Variants in PRKN observed in about 807,000 individuals in gnomAD.
PRKN encodes the protein E3 ubiquitin-protein ligase parkin.
In PRKN, 56 loss-of-function variants were observed where a neutral mutation model predicts 59.5. The observed-to-expected ratio is 0.94, with a 90% CI of 0.76 to 1.18. PRKN has a LOEUF of 1.18. PRKN is among the 50% of genes most tolerant of loss of function. The pLI is 0.00. For synonymous variants in PRKN, 250 were observed against 222.1 expected, an observed-to-expected ratio of 1.13 and a Z score of -1.12; for missense variants, 657 against 596.4, an observed-to-expected ratio of 1.10 and a Z score of -1.06.
chr6:161,365,148 CAAAAG>C (rs1265882010), intron 10 of PRKN, among the ~76,000 whole-genome samples: 1 of 147,122 alleles, frequency 6.8e-6, no homozygotes, highest in Admixed American at 6.8e-5. Flanking sequence ...ACAAAAGAGT[CAAAAG>C]AAAGGCAAGA....
rs369715622 is a variant in PRKN, at chr6:161,673,118, C to T, written c.872-103702G>A. Among the ~76,000 whole-genome samples, 27 of 152,220 alleles carry T rather than the reference C, an allele frequency of 1.8e-4. No individual in the cohort carries two copies. In the East Asian group the frequency reaches 1.9e-3, roughly 11 times the overall value. Reference sequence around the variant, plus strand: ...CTTCTGGAATGCTGTCCACTCGGCCCGGCACTCCCCTGAGGACTAGGGATA... The same window carrying T: ...CTTCTGGAATGCTGTCCACTCGGCCTGGCACTCCCCTGAGGACTAGGGATA... On this transcript the variant is annotated intron_variant, in intron 7 of 11. Transcript: ENST00000366898.
chr6:162,436,359 G>GA (rs1300665252), intron 2 of PRKN, among the ~76,000 whole-genome samples: 2 of 148,384 alleles, frequency 1.3e-5, no homozygotes, highest in Non-Finnish European at 3.0e-5. Context: ...TTTTGAAACA[G>GA]AGTCTCTTTG....
In PRKN at chr6:162,443,255, G is replaced by A. The variant is rs147768642; in HGVS notation, c.171+55C>T. 163 of 1,574,826 alleles carry A rather than the reference G, an allele frequency of 1.0e-4. No individual in the cohort carries two copies. The African/African-American group carries it at 1.9e-3, about 19-fold the overall frequency. Reference sequence around the variant, plus strand: ...TGAATGTCAGATTGGCAGCGCAGGCGGCATGAGCAATGGAGCTGGCGGCAT... The same window carrying A: ...TGAATGTCAGATTGGCAGCGCAGGCAGCATGAGCAATGGAGCTGGCGGCAT... On this transcript the variant is annotated intron_variant, in intron 2 of 11. Coordinates refer to ENST00000366898, the MANE Select transcript of PRKN (RefSeq NM_004562.3).
At chr6:162,727,318 T>TGAGGGGCGGCGGCGGGGCGCCGGG in intron 1 of PRKN, 2 of 337,474 alleles carry the variant, frequency 5.9e-6, no homozygotes, top group East Asian at 5.7e-5. Flanking sequence ...GGGGCGAAGG[T>TGAGGGGCGGCGGCGGGGCGCCGGG]GAGGGGCGGC....
At chr6:162,119,700 G>A (rs1283260101) in intron 4 of PRKN, among the ~76,000 whole-genome samples, 2 of 152,132 alleles carry the variant, frequency 1.3e-5, no homozygotes, top group African/African-American at 4.8e-5. Context: ...CCAGTGGCAA[G>A]CGGGTCTTTA....
At chr6:161,927,786 A>T (rs4709557) in intron 6 of PRKN, among the ~76,000 whole-genome samples, 82,880 of 151,684 alleles carry the variant, frequency 0.55, 22,739 homozygotes, top group Middle Eastern at 0.65. Context: ...AAAAAAAAAA[A>T]ACTTTACAAA....
At chr6:162,691,886 G>A (rs761429883) in intron 1 of PRKN, among the ~76,000 whole-genome samples, 19 of 151,940 alleles carry the variant, frequency 1.3e-4, no homozygotes, top group Non-Finnish European at 2.4e-4. Context: ...ACGCAAATAC[G>A]TTGGGCTATT....
At chr6:162,242,549 T>C (rs1779027046) in intron 3 of PRKN, among the ~76,000 whole-genome samples, 2 of 152,172 alleles carry the variant, frequency 1.3e-5, no homozygotes, top group Non-Finnish European at 1.5e-5. Context: ...GCCTCCTAGA[T>C]GTAAATGCCT....
intron 1 of PRKN, among the ~76,000 whole-genome samples, chr6:162,462,869 G>A (rs1335299947): frequency 1.3e-5 from 2 of 152,104 alleles, no homozygotes; most frequent in East Asian, 1.9e-4. Flanking sequence ...CGAGGTGGGT[G>A]CATCACCTGA....
intron 1 of PRKN, among the ~76,000 whole-genome samples, chr6:162,629,517 T>C (rs1055637204): frequency 1.3e-5 from 2 of 152,140 alleles, no homozygotes; most frequent in South Asian, 2.1e-4. Context: ...ACACAACATA[T>C]ATATATTTAA....
At chr6:161,738,742 G>T (rs1377882489) in intron 7 of PRKN, among the ~76,000 whole-genome samples, 1 of 152,140 alleles carries the variant, frequency 6.6e-6, no homozygotes, top group Non-Finnish European at 1.5e-5. Flanking sequence ...CTGCAGGTGG[G>T]GGTCCAGCAT....
intron 1 of PRKN, among the ~76,000 whole-genome samples, chr6:162,704,669 T>A (rs960241319): frequency 6.6e-6 from 1 of 152,194 alleles, no homozygotes; most frequent in Non-Finnish European, 1.5e-5. Flanking sequence ...AATAAAAATG[T>A]GTTCTAAATT....
chr6:161,610,492 TAC>T (rs370179659), intron 7 of PRKN, among the ~76,000 whole-genome samples: 3,612 of 139,654 alleles, frequency 0.026, 54 homozygotes, highest in Middle Eastern at 0.048. Flanking sequence ...ATATTAATAA[TAC>T]ACACACACAC....
rs1303381136 is a variant in PRKN at position 161,470,398 on chromosome 6, C to A, written c.1083+78456G>T. On this transcript the variant is annotated intron_variant, in intron 9 of 11. Transcript: ENST00000366898. This position sits in a 1 kb window ranked among gnomAD's most constrained non-coding sequence, Gnocchi z 5.1. The stretch of plus-strand genomic sequence containing the variant: ...GAGTGGTGGAAGACCTGAGGTTTTC[C>A]TCTAGGTAGAAGGAACTCCCATTAT... Among the ~76,000 whole-genome samples the A allele has an allele frequency of 6.6e-6, 1 of 152,158 alleles. No individual in the cohort carries two copies. The highest frequency in any genetic ancestry group is 2.4e-5 in the African/African-American group (1 of 41,434).
intron 1 of PRKN, among the ~76,000 whole-genome samples, chr6:162,649,602 T>C (rs114158734): frequency 0.011 from 1,649 of 152,136 alleles, 21 homozygotes; most frequent in African/African-American, 0.038. Flanking sequence ...CGGTTACACA[T>C]TATAAAAAGT....
intron 1 of PRKN, among the ~76,000 whole-genome samples, chr6:162,592,845 T>A (rs1300350918): frequency 7.6e-6 from 1 of 132,054 alleles, no homozygotes; most frequent in Non-Finnish European, 1.8e-5. Flanking sequence ...AAAAATAATG[T>A]GTGGTGTACA....
intron 3 of PRKN, among the ~76,000 whole-genome samples, chr6:162,231,547 A>C (rs1778417776): frequency 6.6e-6 from 1 of 152,192 alleles, no homozygotes; most frequent in African/African-American, 2.4e-5. Context: ...AATCCTGGAA[A>C]GACAGAGCAG....
chr6:162,608,407 G>A (rs1782007072), intron 1 of PRKN, among the ~76,000 whole-genome samples: 1 of 152,168 alleles, frequency 6.6e-6, no homozygotes, highest in Non-Finnish European at 1.5e-5. Flanking sequence ...TGAGAAGATG[G>A]GAGGTCAAGG....
Position 161,747,327 on chromosome 6 carries a change from C to T in PRKN, c.871+38445G>A, listed in dbSNP as rs1163618932. The stretch of plus-strand genomic sequence containing the variant: ...ATCACTTTAGATATCAACCTACTTG[C>T]CTAAAGAGAAACTAAAGAGAAATTG... On this transcript the variant is annotated intron_variant, in intron 7 of 11. Transcript: ENST00000366898. Among the ~76,000 whole-genome samples, 8 of 151,726 alleles carry T rather than the reference C, an allele frequency of 5.3e-5. No individual in the cohort carries two copies. The East Asian group carries it at 1.4e-3, about 26-fold the overall frequency.
Sources: gnomAD v4.1 joint callset for allele counts (sites outside exome capture counted in the v4.1 genomes callset) on GRCh38, gnomAD v4.1.1 for gene constraint, Gnocchi (gnomAD v3.1) non-coding constraint, MANE v1.5 for transcripts, NCBI Gene and HGNC (gene_info 2026-07-23, HGNC 2026-07-21) for gene names.